Variants in SV2C observed in about 807,000 individuals in gnomAD.
SV2C encodes solute carrier family 22 member B3.
Under a neutral mutation model 79.7 loss-of-function variants are expected in SV2C, and 49 were observed. The observed-to-expected ratio is 0.61, with a 90% CI of 0.49 to 0.78. The LOEUF is 0.78. Among genes scored for constraint, SV2C ranks in the 30% least tolerant of loss-of-function variants. The pLI is 0.00. For missense variants in SV2C, 833 were observed against 912.9 expected (o/e 0.91, Z 1.13); for synonymous variants, 334 against 333.2 (o/e 1.00, Z -0.03).
the SV2C span, among the ~76,000 whole-genome samples, chr5:75,990,898 A>C: frequency 6.6e-6 from 1 of 152,008 alleles, no homozygotes; most frequent in Admixed American, 6.6e-5. Context: ...GCTGTGCACC[A>C]AGTCTGATAT....
chr5:76,090,096 T>A (rs957762157), intron 1 of SV2C, among the ~76,000 whole-genome samples: 1 of 152,222 alleles, frequency 6.6e-6, no homozygotes, highest in Non-Finnish European at 1.5e-5. Flanking sequence ...TGCAAGGTAG[T>A]CCAGAGGATT....
At chr5:76,318,390 C>G (rs1719303692) in intron 12 of SV2C, among the ~76,000 whole-genome samples, 2 of 152,038 alleles carry the variant, frequency 1.3e-5, no homozygotes, top group African/African-American at 4.8e-5. Flanking sequence ...TGCACTCCAG[C>G]CTGGGCAATA....
chr5:76,270,028 A>G (rs2937718), intron 4 of SV2C, among the ~76,000 whole-genome samples: 72,529 of 151,970 alleles, frequency 0.48, 17,695 homozygotes, highest in South Asian at 0.55. Context: ...AACTCTGGGT[A>G]GTTGCCTGAC....
At chr5:76,101,204 T>A (rs1455908502) in intron 1 of SV2C, among the ~76,000 whole-genome samples, 1 of 151,722 alleles carries the variant, frequency 6.6e-6, no homozygotes, top group Non-Finnish European at 1.5e-5. Context: ...TGGTGGGAGA[T>A]TGAGCTGAAG....
At position 76,311,651 on chromosome 5, in the gene SV2C, C is replaced by T. The variant is rs774481721; in HGVS notation, c.2000+10106C>T. ...AGAGCCTATTATATGTAATGTAGAT[C>T]ACAAACAATTGATGTGGCATGAGAT... is the stretch of plus-strand genomic sequence containing the variant. On this transcript the variant is annotated intron_variant, in intron 12 of 12. Coordinates refer to ENST00000502798, the MANE Select transcript of SV2C (RefSeq NM_014979.4). Among the ~76,000 whole-genome samples, 92 of 152,114 alleles carry T rather than the reference C, an allele frequency of 6.0e-4. 1 individual carries two copies. Among genetic ancestry groups the T allele is most frequent in the Admixed American group, 1.4e-3 (21 of 15,270 alleles).
the SV2C span, among the ~76,000 whole-genome samples, chr5:75,938,563 G>T: frequency 1.3e-5 from 2 of 152,142 alleles, no homozygotes; most frequent in African/African-American, 4.8e-5. Context: ...CATACCATAT[G>T]ATTTCATTTA....
chr5:75,944,261 C>G, the SV2C span, among the ~76,000 whole-genome samples: 1 of 152,172 alleles, frequency 6.6e-6, no homozygotes, highest in African/African-American at 2.4e-5. Flanking sequence ...CCCACACCCA[C>G]TTTTGTGGCT....
At chr5:76,261,271 G>C (rs1425172912) in intron 4 of SV2C, among the ~76,000 whole-genome samples, 1 of 152,106 alleles carries the variant, frequency 6.6e-6, no homozygotes, top group Non-Finnish European at 1.5e-5. Flanking sequence ...AGGAATGCTT[G>C]TGATCTTTGC....
intron 6 of SV2C, among the ~76,000 whole-genome samples, chr5:76,290,098 A>C (rs1335075788): frequency 6.6e-6 from 1 of 152,056 alleles, no homozygotes; most frequent in African/African-American, 2.4e-5. Flanking sequence ...AGAAAAAAAA[A>C]CTTTTTAAAT....
chr5:76,291,394 A>G, intron 7 of SV2C, 63 bp downstream of exon 7: 2 of 1,374,716 alleles, frequency 1.5e-6, no homozygotes, highest in Non-Finnish European at 1.0e-6. Flanking sequence ...TAGTCAGAAG[A>G]GGGGTTTACT....
intron 1 of SV2C, among the ~76,000 whole-genome samples, chr5:76,113,352 T>G (rs1398281514): frequency 6.6e-6 from 1 of 152,262 alleles, no homozygotes; most frequent in African/African-American, 2.4e-5. Flanking sequence ...CTTTAGTTCT[T>G]GTATGCATAG....
intron 2 of SV2C, among the ~76,000 whole-genome samples, chr5:76,186,334 A>G (rs1451475469): frequency 1.3e-5 from 2 of 152,146 alleles, no homozygotes; most frequent in Non-Finnish European, 2.9e-5. Flanking sequence ...CCCAGTACCA[A>G]TTTAGTGTAT....
intron 8 of SV2C, among the ~76,000 whole-genome samples, chr5:76,294,294 TTCTC>T (rs200506393): frequency 8.4e-5 from 12 of 143,336 alleles, no homozygotes; most frequent in South Asian, 6.8e-4. Flanking sequence ...GTTTCATTCA[TTCTC>T]TCTCTCTTTT....
At chr5:75,922,351 G>A in the SV2C span, among the ~76,000 whole-genome samples, 1 of 151,962 alleles carries the variant, frequency 6.6e-6, no homozygotes, top group Admixed American at 6.6e-5. Context: ...AGACAAATAA[G>A]TGTAAGTGGC....
chr5:76,119,305 A>G (rs2112156909), intron 1 of SV2C, among the ~76,000 whole-genome samples: 1 of 152,326 alleles, frequency 6.6e-6, no homozygotes, highest in East Asian at 1.9e-4. Flanking sequence ...CCTGCACCCT[A>G]TTGCACATGT....
At chr5:76,157,370 A>G (rs1257656753) in intron 2 of SV2C, among the ~76,000 whole-genome samples, 1 of 152,078 alleles carries the variant, frequency 6.6e-6, no homozygotes, top group Non-Finnish European at 1.5e-5. Flanking sequence ...CAAAAACAGA[A>G]ATAATTTGTT....
chr5:76,169,228 G>C (rs1019075125), intron 2 of SV2C, among the ~76,000 whole-genome samples: 3 of 152,222 alleles, frequency 2.0e-5, no homozygotes, highest in African/African-American at 7.2e-5. Flanking sequence ...TCAGCAGTTG[G>C]TGAGGTCTGG....
At chr5:76,345,723 C>T (rs1451553619) in intron 12 of SV2C, among the ~76,000 whole-genome samples, 1 of 152,174 alleles carries the variant, frequency 6.6e-6, no homozygotes, top group Non-Finnish European at 1.5e-5. Flanking sequence ...TAGTGCTTTA[C>T]AAAACATTTC....
At chr5:75,901,797 TG>T in the SV2C span, among the ~76,000 whole-genome samples, 2 of 151,934 alleles carry the variant, frequency 1.3e-5, no homozygotes, top group African/African-American at 4.8e-5. Flanking sequence ...CAATGGCAGG[TG>T]CCCCTCCCCC....
Sources: gnomAD v4.1 joint callset for allele counts (sites outside exome capture counted in the v4.1 genomes callset) on GRCh38, gnomAD v4.1.1 for gene constraint, MANE v1.5 for transcripts, NCBI Gene and HGNC (gene_info 2026-07-23, HGNC 2026-07-21) for gene names.